The following PPARD variants were observed in gnomAD, a reference collection of about 807,000 sequenced individuals.
The protein encoded by PPARD is peroxisome proliferator-activated receptor delta.
A neutral mutation model predicts 39.5 loss-of-function variants in PPARD; 6 were observed. That is an observed-to-expected ratio of 0.15 (90% CI 0.08 to 0.30). The LOEUF is 0.30. Ranked by LOEUF, PPARD falls within the 10% of genes least tolerant of loss-of-function variation. The pLI, the probability that PPARD is intolerant of heterozygous loss-of-function variation, is 1.00. For synonymous variants in PPARD, 210 were observed against 231.3 expected (o/e 0.91, Z 0.83); for missense variants, 397 against 596.8 (o/e 0.67, Z 3.49).
intron 2 of PPARD, among the ~76,000 whole-genome samples, chr6:35,386,271 T>C (rs755708323): frequency 7.2e-5 from 11 of 152,034 alleles, no homozygotes; most frequent in Non-Finnish European, 1.5e-4. Context: ...ATTCTTTGCA[T>C]CGTGCTCTCT....
intron 1 of PPARD, among the ~76,000 whole-genome samples, chr6:35,345,596 A>G (rs542684058): frequency 9.2e-5 from 14 of 152,286 alleles, no homozygotes; most frequent in African/African-American, 3.1e-4. Flanking sequence ...CCTCTTCACC[A>G]TGGCCTTCTT....
intron 3 of PPARD, among the ~76,000 whole-genome samples, chr6:35,415,816 A>C (rs974426061): frequency 9.0e-6 from 1 of 110,776 alleles, no homozygotes; most frequent in Non-Finnish European, 1.7e-5. Context: ...AAAGAAAGAG[A>C]TGTGTTTTAA....
intron 2 of PPARD, chr6:35,397,406 C>A: frequency 2.6e-6 from 1 of 382,816 alleles, no homozygotes; most frequent in Non-Finnish European, 3.6e-6. Context: ...AAAGAACTAG[C>A]CAGACGCTGC....
At chr6:35,352,332 C>T (rs1761309918) in intron 2 of PPARD, among the ~76,000 whole-genome samples, 1 of 152,012 alleles carries the variant, frequency 6.6e-6, no homozygotes, top group South Asian at 2.1e-4. Flanking sequence ...CACAGGCGCG[C>T]ACCCCAATGC....
intron 3 of PPARD, among the ~76,000 whole-genome samples, chr6:35,419,268 G>A (rs563357811): frequency 6.6e-6 from 1 of 152,284 alleles, no homozygotes; most frequent in African/African-American, 2.4e-5. Flanking sequence ...TTTGGGCTAG[G>A]AGTCAGGAAG....
chr6:35,348,695 G>A (rs1295345983), intron 2 of PPARD: 1 of 985,324 alleles, frequency 1.0e-6, no homozygotes, highest in Non-Finnish European at 1.2e-6. Flanking sequence ...TCTGTCTGTG[G>A]GGGTCAGGTT....
chr6:35,370,384 T>C (rs1762419852), intron 2 of PPARD, among the ~76,000 whole-genome samples: 1 of 152,126 alleles, frequency 6.6e-6, no homozygotes, highest in Admixed American at 6.5e-5. Context: ...GTGGATAAAG[T>C]ATGTGTAAGA....
intron 1 of PPARD, among the ~76,000 whole-genome samples, chr6:35,346,080 C>T (rs778509794): frequency 5.9e-5 from 9 of 151,994 alleles, no homozygotes; most frequent in Non-Finnish European, 1.3e-4. Flanking sequence ...AGGGTTTCAC[C>T]GTGTTAGTCG....
rs558113434 is a variant in PPARD at position 35,361,388 on chromosome 6, C to CT, written c.-102+14239dup. Among the ~76,000 whole-genome samples the CT allele has an allele frequency of 1.2e-3, 183 of 152,274 alleles. 1 individual carries two copies. Among genetic ancestry groups the CT allele is most frequent in the Middle Eastern group, 0.01 (3 of 294 alleles). ...GGCAGCTGGGCATGGTGGCTCACACCTGTAATACCAGCACTTTGGGAGGCC... is the reference window on the plus strand; with the variant it reads ...GGCAGCTGGGCATGGTGGCTCACACCTTGTAATACCAGCACTTTGGGAGGCC... On this transcript the variant is annotated intron_variant, in intron 2 of 7. Coordinates refer to ENST00000360694, the MANE Select transcript of PPARD (RefSeq NM_006238.5).
At position 35,425,281 on chromosome 6, in the gene PPARD, A is replaced by G; in HGVS notation, c.1078+502A>G. ...AGAGTGAGACCCTGTCTCAAAAAAA[A>G]GGAAAAGGACTAACAGGCAGTATGC... On this transcript the variant is annotated intron_variant, in intron 7 of 7. Transcript: ENST00000360694. This position sits in a 1 kb window ranked among gnomAD's most constrained non-coding sequence, Gnocchi z 4.5. 3.0e-6 allele frequency: 3 copies of G among 1,001,958 alleles called. No homozygotes were observed. Among genetic ancestry groups the G allele is most frequent in the Non-Finnish European group, 3.6e-6 (3 of 838,892 alleles). The allele number at this position is 1,001,958 out of a possible 1,614,324, so 62.1% of individuals were successfully genotyped here. A position where few individuals can be genotyped will look rare whatever the true frequency, so the allele number is the denominator to read the frequency against.
chr6:35,411,623 G>T (rs543189338), intron 3 of PPARD, among the ~76,000 whole-genome samples: 1 of 152,142 alleles, frequency 6.6e-6, no homozygotes, highest in Admixed American at 6.5e-5. Flanking sequence ...ATGATCAGTC[G>T]AAACACACAG....
chr6:35,395,415 G>A (rs1764256723), intron 2 of PPARD, among the ~76,000 whole-genome samples: 1 of 152,186 alleles, frequency 6.6e-6, no homozygotes, highest in South Asian at 2.1e-4. Context: ...AGTGATGACT[G>A]GTCTGCCTGG....
chr6:35,390,800 A>C (rs1163928610), intron 2 of PPARD, among the ~76,000 whole-genome samples: 5 of 152,210 alleles, frequency 3.3e-5, no homozygotes, highest in Non-Finnish European at 5.9e-5. Flanking sequence ...AGGCAGGAGG[A>C]TGGCTTGAGC....
chr6:35,382,379 C>G (rs577874118), intron 2 of PPARD, among the ~76,000 whole-genome samples: 6 of 152,316 alleles, frequency 3.9e-5, no homozygotes, highest in African/African-American at 1.4e-4. Flanking sequence ...AATTTTGGAG[C>G]AGTAAAATTC....
intron 5 of PPARD, among the ~76,000 whole-genome samples, chr6:35,423,075 A>AAG (rs1766297864): frequency 6.9e-6 from 1 of 144,706 alleles, no homozygotes; most frequent in African/African-American, 2.5e-5. Context: ...AAAAAAAAAA[A>AAG]AAAAATTTAG....
At position 35,345,223 on chromosome 6, in the gene PPARD, A is replaced by G. The variant is rs190239275; in HGVS notation, c.-185-1844A>G. Reference sequence around the variant, plus strand: ...CTCATTTTCTGAGAAGGTAGTCATGATTGTCAATTACCAAATTCCTTCCCC... The same window carrying G: ...CTCATTTTCTGAGAAGGTAGTCATGGTTGTCAATTACCAAATTCCTTCCCC... On this transcript the variant is annotated intron_variant, in intron 1 of 7. Coordinates refer to ENST00000360694, the MANE Select transcript of PPARD (RefSeq NM_006238.5). 1.1e-3 allele frequency among the ~76,000 whole-genome samples: 173 copies of G among 152,286 alleles called. 1 individual carries two copies. The highest frequency in any genetic ancestry group is 4.0e-3 in the African/African-American group (166 of 41,562).
chr6:35,401,316 G>A lies in PPARD; in HGVS notation c.-101-9671G>A, dbSNP rs1025648534. 2.0e-5 allele frequency among the ~76,000 whole-genome samples: 3 copies of A among 152,252 alleles called. No individual in the cohort carries two copies. The highest frequency in any genetic ancestry group is 6.8e-3 in the Middle Eastern group (2 of 294). ...TGCCGACTCCCTTGCCAGGTTTGCT[G>A]TAACTATTGCTCCTCCGAGCCTGGC... On this transcript the variant is annotated intron_variant, in intron 2 of 7. Transcript: ENST00000360694. This position sits in a 1 kb window ranked among gnomAD's most constrained non-coding sequence, Gnocchi z 4.1.
At chr6:35,387,219 G>A (rs1436360119) in intron 2 of PPARD, among the ~76,000 whole-genome samples, 1 of 151,868 alleles carries the variant, frequency 6.6e-6, no homozygotes, top group African/African-American at 2.4e-5. Flanking sequence ...CTCACAGGAT[G>A]TTTTCTTCTC....
intron 2 of PPARD, among the ~76,000 whole-genome samples, chr6:35,369,880 C>G (rs1762392698): frequency 6.6e-6 from 1 of 152,168 alleles, no homozygotes; most frequent in Non-Finnish European, 1.5e-5. Flanking sequence ...CCTTCTCTGT[C>G]TCCCCTACTA....
Sources: gnomAD v4.1 joint callset for allele counts (sites outside exome capture counted in the v4.1 genomes callset) on GRCh38, gnomAD v4.1.1 for gene constraint, Gnocchi (gnomAD v3.1) non-coding constraint, MANE v1.5 for transcripts, NCBI Gene and HGNC (gene_info 2026-07-23, HGNC 2026-07-21) for gene names.